The following HPN variants were observed in gnomAD, a reference collection of about 807,000 sequenced individuals.
HPN encodes serine protease hepsin.
HPN carries 13 observed loss-of-function variants against 55.9 expected under a neutral mutation model. The ratio of observed to expected loss-of-function variants is 0.23; its 90% CI spans 0.15 to 0.37. The LOEUF (loss-of-function observed/expected upper bound fraction) is 0.37. HPN is among the 10% of genes least tolerant of loss of function. The pLI is 1.00. For synonymous variants in HPN, 225 were observed against 240.3 expected, an observed-to-expected ratio of 0.94 and a Z score of 0.59; for missense variants, 451 against 575.8, an observed-to-expected ratio of 0.78 and a Z score of 2.22.
intron 9 of HPN, among the ~76,000 whole-genome samples, chr19:35,062,729 A>T (rs918215213): frequency 2.0e-5 from 3 of 152,000 alleles, no homozygotes; most frequent in Non-Finnish European, 4.4e-5. Flanking sequence ...CAAACAAAAA[A>T]AATTAGCTGG....
At chr19:35,058,466 A>G (rs1248497588) in intron 4 of HPN, among the ~76,000 whole-genome samples, 2 of 148,268 alleles carry the variant, frequency 1.3e-5, no homozygotes, top group Admixed American at 6.8e-5. Flanking sequence ...AAAGATAGAA[A>G]TCACTCTGGA....
chr19:35,065,297 G>A lies in HPN; in HGVS notation c.859G>A (p.Asp287Asn), dbSNP rs1231965822. 1 of 1,614,048 alleles carries A rather than the reference G, an allele frequency of 6.2e-7. No individual in the cohort carries two copies. Among genetic ancestry groups the A allele is most frequent in the South Asian group, 1.1e-5 (1 of 91,068 alleles). The stretch of plus-strand genomic sequence containing the variant: ...CCCAGCTGCCGGCCAGGCCCTGGTG[G>A]ATGGCAAGATCTGTACCGTGACGGG... ...CLPAAGQALV[D>N]GKICTVTGWG... Residue 287 changes from aspartate (D) to asparagine (N), a missense_variant, in exon 10 of 13, where the codon GAT (aspartate) becomes AAT (asparagine). By Grantham distance (23) the Asp-to-Asn change is conservative (BLOSUM62 1). Coordinates refer to ENST00000672452, the MANE Select transcript of HPN (RefSeq NM_001384133.1).
At chr19:35,049,245 A>T in intron 2 of HPN, 45 bp from the exon 3 acceptor site, 1 of 1,406,412 alleles carries the variant, frequency 7.1e-7, no homozygotes, top group East Asian at 2.5e-5. Flanking sequence ...CCCTGCCGCA[A>T]TGAGGACAGG....
chr19:35,043,649 G>C (rs1343417022), intron 2 of HPN, among the ~76,000 whole-genome samples: 1 of 152,228 alleles, frequency 6.6e-6, no homozygotes, highest in East Asian at 1.9e-4. Flanking sequence ...TCTCGGCACA[G>C]CTGGCAATTC....
chr19:35,042,198 G>T, intron 1 of HPN: 1 of 1,251,606 alleles, frequency 8.0e-7, no homozygotes, highest in Non-Finnish European at 1.0e-6. Context: ...CCCTCAAACC[G>T]GGATCCTCAG....
chr19:35,060,824 C>T lies in HPN; in HGVS notation c.811+7C>T. On this transcript the variant is annotated splice_region_variant and intron_variant, in intron 9 of 12. Coordinates refer to ENST00000672452, the MANE Select transcript of HPN (RefSeq NM_001384133.1). The stretch of plus-strand genomic sequence containing the variant: ...AGTCCCCTGCCCCTCACAGGTAAGT[C>T]TAAGGGCTGAGCCATGGGGCTTGAG... 1 of 1,564,672 alleles carries T rather than the reference C, an allele frequency of 6.4e-7. No individual in the cohort carries two copies. Among genetic ancestry groups the T allele is most frequent in the South Asian group, 1.2e-5 (1 of 82,202 alleles).
At chr19:35,051,880 G>T (rs192331478) in intron 4 of HPN, among the ~76,000 whole-genome samples, 1 of 152,132 alleles carries the variant, frequency 6.6e-6, no homozygotes, top group Non-Finnish European at 1.5e-5. Flanking sequence ...GAGACAGAGC[G>T]AAGGGATCAC....
intron 2 of HPN, among the ~76,000 whole-genome samples, chr19:35,046,255 T>C (rs1378205194): frequency 6.6e-6 from 1 of 151,800 alleles, no homozygotes; most frequent in Non-Finnish European, 1.5e-5. Flanking sequence ...CAATTTTTTT[T>C]TTTTTTTAAT....
chr19:35,041,838 C>A lies in HPN; in HGVS notation c.-89C>A. ...GGAGACTGACCCGACCCCGGCACTA[C>A]CTCGAGGCTCCGCCCCCACCTGCTG... On this transcript the variant is annotated 5_prime_UTR_variant, in exon 1 of 13. Coordinates refer to ENST00000672452, the MANE Select transcript of HPN (RefSeq NM_001384133.1). The A allele has an allele frequency of 7.4e-7, 1 of 1,343,352 alleles. No individual in the cohort carries two copies. 83.2% of individuals were successfully genotyped at this position (1,343,352 alleles called of 1,614,324 possible).
At chr19:35,051,977 G>A (rs1387751741) in intron 4 of HPN, among the ~76,000 whole-genome samples, 1 of 152,152 alleles carries the variant, frequency 6.6e-6, no homozygotes, top group African/African-American at 2.4e-5. Flanking sequence ...CTAGTGTGGA[G>A]GCCCCTCTCC....
chr19:35,063,575 G>A (rs28616221), intron 9 of HPN, among the ~76,000 whole-genome samples: 17,819 of 152,190 alleles, frequency 0.12, 1,328 homozygotes, highest in Non-Finnish European at 0.16. Context: ...CAGGTGTAGT[G>A]GCAGGCACCT....
At position 35,060,628 on chromosome 19, in the gene HPN, C is replaced by T. The variant is rs750504861; in HGVS notation, c.622C>T (p.Arg208Trp). ...ACCCTCCACCCCTTTCCCTGGTAGG[C>T]GGAACCGGGTCCTGTCCCGATGGCG... ...VLTAAHCFPE[R>W]NRVLSRWRVF... Residue 208 changes from arginine (R) to tryptophan (W), a missense_variant and splice_region_variant, in exon 9 of 13, where the codon CGG becomes TGG. Physicochemically the swap from Arg to Trp is moderately radical, Grantham distance 101 (BLOSUM62 -3). Coordinates refer to ENST00000672452, the MANE Select transcript of HPN (RefSeq NM_001384133.1). The T allele has an allele frequency of 1.9e-6, 3 of 1,613,656 alleles. No individual in the cohort carries two copies. Among genetic ancestry groups the T allele is most frequent in the Admixed American group, 1.7e-5 (1 of 60,022 alleles).
At position 35,065,640 on chromosome 19, in the gene HPN, T is replaced by C; in HGVS notation, c.1009T>C (p.Phe337Leu). The change falls in exon 11 of 13, where the codon TTC becomes CTC. Residue 337 changes from phenylalanine to leucine, a missense_variant. Transcript: ENST00000672452. The stretch of plus-strand genomic sequence containing the variant: ...TGGAAACCAGATCAAGCCCAAGATG[T>C]TCTGTGCTGGCTACCCCGAGGGTGG... ...FYGNQIKPKM[F>L]CAGYPEGGID... is the part of the protein sequence containing the mutation. 3 of 1,614,166 alleles carry C rather than the reference T, an allele frequency of 1.9e-6. No individual in the cohort carries two copies. The highest frequency in any genetic ancestry group is 2.5e-6 in the Non-Finnish European group (3 of 1,180,026).
intron 2 of HPN, among the ~76,000 whole-genome samples, chr19:35,048,082 A>AAGAAAGAAAAAGAAAAGG (rs111546288): frequency 1.0e-5 from 1 of 96,984 alleles, no homozygotes; most frequent in East Asian, 3.1e-4. Flanking sequence ...GAAAGAAAGA[A>AAGAAAGAAAAAGAAAAGG]AAGGAAGGAA....
chr19:35,058,431 G>T (rs982066024), intron 4 of HPN, among the ~76,000 whole-genome samples: 9 of 148,778 alleles, frequency 6.0e-5, no homozygotes, highest in Admixed American at 2.0e-4. Context: ...ACCCATCTCG[G>T]CCTCCCAAAT....
chr19:35,051,199 C>T (rs942623928), intron 4 of HPN, among the ~76,000 whole-genome samples: 2 of 152,194 alleles, frequency 1.3e-5, no homozygotes, highest in Admixed American at 1.3e-4. Context: ...ATCTCCATCT[C>T]CCAGGTTCAA....
At chr19:35,055,690 G>A (rs1285100977) in intron 4 of HPN, among the ~76,000 whole-genome samples, 10 of 149,008 alleles carry the variant, frequency 6.7e-5, no homozygotes, top group Non-Finnish European at 1.3e-4. Flanking sequence ...ACATCCCAGA[G>A]CCTCCTCCCT....
intron 9 of HPN, among the ~76,000 whole-genome samples, chr19:35,063,017 T>C (rs1167914056): frequency 6.6e-6 from 1 of 152,202 alleles, no homozygotes; most frequent in Non-Finnish European, 1.5e-5. Context: ...AGGGAGTACA[T>C]GATGAGTGTA....
At chr19:35,065,366 C>T (rs1296471585) in intron 10 of HPN, 21 bp downstream of exon 10, 55 of 1,599,864 alleles carry the variant, frequency 3.4e-5, no homozygotes, top group Non-Finnish European at 4.4e-5. Context: ...TCCTCTGCCT[C>T]TGATGCCACC....
Sources: allele counts gnomAD v4.1 joint callset (sites outside exome capture counted in the v4.1 genomes callset), GRCh38; gene constraint gnomAD v4.1.1; transcripts MANE v1.5; gene names NCBI Gene and HGNC (gene_info 2026-07-23, HGNC 2026-07-21).